LRP6: variants seen among roughly 807,000 people sequenced by gnomAD.
LRP6 encodes LDL receptor related protein 6.
A neutral mutation model predicts 184.1 loss-of-function variants in LRP6; 43 were observed. That is an observed-to-expected ratio of 0.23 (90% confidence interval 0.18 to 0.30). LRP6 has a LOEUF of 0.30. Ranked by LOEUF, LRP6 falls within the 10% of genes least tolerant of loss-of-function variation. LRP6 has a pLI of 1.00. For missense variants in LRP6, 1,571 were observed against 2,005.3 expected, an observed-to-expected ratio of 0.78 and a Z score of 4.14; for synonymous variants, 719 against 684.9, an observed-to-expected ratio of 1.05 and a Z score of -0.78.
chr12:12,240,887 T>G (rs894691337), intron 2 of LRP6, among the ~76,000 whole-genome samples: 1 of 152,150 alleles, frequency 6.6e-6, no homozygotes, highest in Non-Finnish European at 1.5e-5. Context: ...AGACAACTGT[T>G]TACTGTAACT....
At chr12:12,260,786 G>A in intron 1 of LRP6, among the ~76,000 whole-genome samples, 1 of 152,154 alleles carries the variant, frequency 6.6e-6, no homozygotes, top group East Asian at 1.9e-4. Context: ...GTTTAACTTG[G>A]CCTGTTTAAC....
At chr12:12,214,766 G>A (rs933053178) in intron 2 of LRP6, among the ~76,000 whole-genome samples, 1 of 152,126 alleles carries the variant, frequency 6.6e-6, no homozygotes, top group Non-Finnish European at 1.5e-5. Flanking sequence ...TCCCTAGATA[G>A]GTTTTGGATA....
At chr12:12,168,981 C>G (rs1351538277) in intron 7 of LRP6, among the ~76,000 whole-genome samples, 1 of 152,104 alleles carries the variant, frequency 6.6e-6, no homozygotes, top group Non-Finnish European at 1.5e-5. Context: ...GTAATCCCAG[C>G]ACTTTGGGAG....
intron 20 of LRP6, among the ~76,000 whole-genome samples, chr12:12,126,420 G>A (rs548323444): frequency 1.2e-4 from 19 of 152,264 alleles, no homozygotes; most frequent in South Asian, 4.2e-4. Context: ...TTCACCTTCC[G>A]TAGCATGCAT....
intron 13 of LRP6, among the ~76,000 whole-genome samples, chr12:12,149,787 A>G (rs1308757982): frequency 6.6e-6 from 1 of 152,188 alleles, no homozygotes; most frequent in Non-Finnish European, 1.5e-5. Flanking sequence ...AAGTCTACAC[A>G]TGCAATTTTT....
At chr12:12,253,085 G>A (rs1361976065) in intron 1 of LRP6, among the ~76,000 whole-genome samples, 23 of 152,170 alleles carry the variant, frequency 1.5e-4, no homozygotes, top group Non-Finnish European at 1.5e-4. Flanking sequence ...CCAACATGGC[G>A]AAACCCTGTC....
intron 6 of LRP6, among the ~76,000 whole-genome samples, chr12:12,180,597 CTA>C (rs751069865): frequency 1.2e-4 from 18 of 151,996 alleles, no homozygotes; most frequent in Non-Finnish European, 2.1e-4. Context: ...CAACAACAAA[CTA>C]GAAGTAAAGC....
intron 2 of LRP6, 25 bp from the exon 3 acceptor site, chr12:12,203,425 G>A (rs1863967641): frequency 6.4e-7 from 1 of 1,554,608 alleles, no homozygotes; most frequent in African/African-American, 1.4e-5. Flanking sequence ...AATAATTAAA[G>A]CCATGACAGA....
chr12:12,138,796 G>T, intron 15 of LRP6: 1 of 1,460,596 alleles, frequency 6.8e-7, no homozygotes, highest in South Asian at 1.2e-5. Flanking sequence ...AAAGAACTTA[G>T]AACAGTAGTT....
intron 1 of LRP6, among the ~76,000 whole-genome samples, chr12:12,248,471 CTTTTTTTT>C (rs71061030): frequency 1.8e-3 from 113 of 62,794 alleles, no homozygotes; most frequent in African/African-American, 6.0e-3. Context: ...AGTCTTTACT[CTTTTTTTT>C]TTTTTTTTTT....
intron 7 of LRP6, among the ~76,000 whole-genome samples, chr12:12,167,827 T>C (rs1862928899): frequency 6.6e-6 from 1 of 152,184 alleles, no homozygotes. Flanking sequence ...TTGTATTTAA[T>C]TATTTAATGT....
intron 13 of LRP6, among the ~76,000 whole-genome samples, chr12:12,149,846 T>C (rs186266099): frequency 1.2e-4 from 19 of 152,364 alleles, no homozygotes; most frequent in African/African-American, 4.6e-4. Context: ...TTGTGCCATC[T>C]GAACTGTATC....
intron 2 of LRP6, among the ~76,000 whole-genome samples, chr12:12,214,643 T>G (rs1235777116): frequency 6.6e-6 from 1 of 152,236 alleles, no homozygotes; most frequent in Non-Finnish European, 1.5e-5. Flanking sequence ...GTGAGAACTT[T>G]CTTTTTCCTT....
chr12:12,181,979 A>T (rs1290532829), intron 5 of LRP6, among the ~76,000 whole-genome samples: 1 of 152,212 alleles, frequency 6.6e-6, no homozygotes, highest in East Asian at 1.9e-4. Context: ...CATCTCAGTA[A>T]AACTGTCTTA....
chr12:12,131,803 C>A lies in LRP6; in HGVS notation c.3970+18G>T. ...GAAAAAAGGATTGCATGCTGAGGCA[C>A]TGAAGAATTCTGGATACCTTCACAG... On this transcript the variant is annotated intron_variant, in intron 18 of 22. Transcript: ENST00000261349. 6.3e-7 allele frequency: 1 copy of A among 1,597,558 alleles called. No individual in the cohort carries two copies. The highest frequency in any genetic ancestry group is 8.6e-7 in the Non-Finnish European group (1 of 1,164,854).
Position 12,165,196 on chromosome 12 carries a change from C to T in LRP6, c.1645G>A (p.Asp549Asn). 1 of 1,614,090 alleles carries T rather than the reference C, an allele frequency of 6.2e-7. No homozygotes were observed. ...TLLGDYVYWT[D>N]WQRRSIERVH... ...CTTTCAATGCTACGCCTCTGCCAGT[C>T]AGTCCAGTAAACATAGTCACCCAAC... The change falls in exon 8 of 23, where the codon GAC (aspartate) becomes AAC (asparagine). Residue 549 changes from aspartate to asparagine, a missense_variant. By Grantham distance (23) the Asp-to-Asn change is conservative. Coordinates refer to ENST00000261349, the MANE Select transcript of LRP6 (RefSeq NM_002336.3).
At chr12:12,146,697 A>G (rs1271542703) in intron 15 of LRP6, among the ~76,000 whole-genome samples, 1 of 152,224 alleles carries the variant, frequency 6.6e-6, no homozygotes, top group Admixed American at 6.5e-5. Flanking sequence ...AGATTTTTTA[A>G]GTAAAGCAGT....
chr12:12,213,713 A>C (rs1046033782), intron 2 of LRP6, among the ~76,000 whole-genome samples: 4 of 152,004 alleles, frequency 2.6e-5, no homozygotes, highest in Admixed American at 2.6e-4. Flanking sequence ...CCTAACGGTA[A>C]ATTCTTCTAG....
chr12:12,121,051 C>G lies in LRP6; in HGVS notation c.*75G>C. On this transcript the variant is annotated 3_prime_UTR_variant, in exon 23 of 23. Transcript: ENST00000261349. ...CCTCATCCTTCTCTAATAGCTCCCT[C>G]CCCCCCTCCAGATCTCAACCAAATT... 1 of 1,336,276 alleles carries G rather than the reference C, an allele frequency of 7.5e-7. No homozygotes were observed. The allele number at this position is 1,336,276 out of a possible 1,614,324, so 82.8% of individuals were successfully genotyped here. A position where few individuals can be genotyped will look rare whatever the true frequency, so the allele number is the denominator to read the frequency against.
Sources: gnomAD v4.1 joint callset for allele counts (sites outside exome capture counted in the v4.1 genomes callset) on GRCh38, gnomAD v4.1.1 for gene constraint, MANE v1.5 for transcripts, NCBI Gene and HGNC (gene_info 2026-07-23, HGNC 2026-07-21) for gene names.